The following KCNH8 variants were observed in gnomAD, a reference collection of about 807,000 sequenced individuals.
The protein encoded by KCNH8 is potassium voltage-gated channel subfamily H member 8.
KCNH8 carries 70 observed loss-of-function variants against 103.6 expected under a neutral mutation model. The observed-to-expected ratio is 0.68, with a 90% CI of 0.56 to 0.82. KCNH8 has a LOEUF of 0.82. Among genes scored for constraint, KCNH8 ranks in the 40% least tolerant of loss-of-function variants. The pLI is 0.00. For synonymous variants in KCNH8, 498 were observed against 489.4 expected (o/e 1.02, Z -0.23); for missense variants, 1,217 against 1,329.9 (o/e 0.92, Z 1.32).
intron 1 of KCNH8, among the ~76,000 whole-genome samples, chr3:19,182,118 G>A (rs913599822): frequency 6.6e-6 from 1 of 152,062 alleles, no homozygotes; most frequent in South Asian, 2.1e-4. Context: ...GTAAATAGAG[G>A]CCATATATTC....
At chr3:19,312,081 A>G (rs2065215441) in intron 3 of KCNH8, among the ~76,000 whole-genome samples, 1 of 151,918 alleles carries the variant, frequency 6.6e-6, no homozygotes, top group Non-Finnish European at 1.5e-5. Context: ...ATCCATTTTG[A>G]AAATCTGTGG....
intron 7 of KCNH8, among the ~76,000 whole-genome samples, chr3:19,421,601 C>T (rs1252789653): frequency 6.6e-6 from 1 of 151,822 alleles, no homozygotes; most frequent in Non-Finnish European, 1.5e-5. Context: ...AGATTTAATT[C>T]ACTAATCAGT....
At chr3:19,261,841 T>C (rs909961394) in intron 2 of KCNH8, among the ~76,000 whole-genome samples, 1 of 151,850 alleles carries the variant, frequency 6.6e-6, no homozygotes, top group Non-Finnish European at 1.5e-5. Flanking sequence ...CAGTTTTTTT[T>C]CCCAGTATCA....
chr3:19,463,235 C>T (rs1451035145), intron 11 of KCNH8, among the ~76,000 whole-genome samples: 3 of 152,128 alleles, frequency 2.0e-5, no homozygotes, highest in Non-Finnish European at 1.5e-5. Flanking sequence ...TACTAAGGGA[C>T]CACTGTACCT....
At chr3:19,484,904 A>ATAC (rs2068172793) in intron 11 of KCNH8, among the ~76,000 whole-genome samples, 1 of 152,174 alleles carries the variant, frequency 6.6e-6, no homozygotes, top group Middle Eastern at 3.2e-3. Flanking sequence ...GAGGAGGCCT[A>ATAC]TGATACAGTA....
chr3:19,372,550 T>C (rs899136054), intron 5 of KCNH8, among the ~76,000 whole-genome samples: 1 of 152,208 alleles, frequency 6.6e-6, no homozygotes, highest in Non-Finnish European at 1.5e-5. Flanking sequence ...AATCATGTCG[T>C]CTGCAAACAA....
intron 3 of KCNH8, among the ~76,000 whole-genome samples, chr3:19,291,595 T>C (rs2064926968): frequency 6.6e-6 from 1 of 152,248 alleles, no homozygotes; most frequent in Non-Finnish European, 1.5e-5. Flanking sequence ...TTGATTGCAC[T>C]GTGGTCTGAG....
intron 1 of KCNH8, among the ~76,000 whole-genome samples, chr3:19,200,389 T>C (rs2063645654): frequency 6.6e-6 from 1 of 152,054 alleles, no homozygotes; most frequent in African/African-American, 2.4e-5. Flanking sequence ...GAATAAAGTT[T>C]ATAAAATTTT....
rs1013488272 is a variant in KCNH8, at chr3:19,472,119, C to A, written c.2040+15137C>A. On this transcript the variant is annotated intron_variant, in intron 11 of 15. Transcript: ENST00000328405. ...GTTACTGTATTTTAATTCATTTTTG[C>A]AATTCTTTTTTTAATGGGATTGCTG... Among the ~76,000 whole-genome samples, 4 of 149,736 alleles carry A rather than the reference C, an allele frequency of 2.7e-5. 1 individual carries two copies. The highest frequency in any genetic ancestry group is 2.1e-4 in the South Asian group (1 of 4,718).
chr3:19,213,899 G>A (rs2063793935), intron 1 of KCNH8, among the ~76,000 whole-genome samples: 1 of 152,182 alleles, frequency 6.6e-6, no homozygotes, highest in Admixed American at 6.5e-5. Flanking sequence ...CAGTCCCTCT[G>A]CAAGCCTGCA....
intron 14 of KCNH8, 31 bp from the exon 15 acceptor site, chr3:19,517,967 G>A: frequency 6.4e-7 from 1 of 1,561,606 alleles, no homozygotes; most frequent in Non-Finnish European, 8.8e-7. Flanking sequence ...TATTCCTAAA[G>A]GACTCATTCT....
chr3:19,522,795 T>C (rs1243713826), intron 15 of KCNH8, among the ~76,000 whole-genome samples: 1 of 151,896 alleles, frequency 6.6e-6, no homozygotes, highest in Non-Finnish European at 1.5e-5. Flanking sequence ...TAATAATTCT[T>C]CTTAGGCTCT....
At chr3:19,508,300 CTTAG>C (rs2068730204) in intron 11 of KCNH8, among the ~76,000 whole-genome samples, 1 of 151,988 alleles carries the variant, frequency 6.6e-6, no homozygotes, top group African/African-American at 2.4e-5. Flanking sequence ...ATAAGGTTAC[CTTAG>C]GTAATCAAAG....
intron 3 of KCNH8, among the ~76,000 whole-genome samples, chr3:19,297,304 G>A (rs1477946373): frequency 6.6e-6 from 1 of 152,148 alleles, no homozygotes; most frequent in Admixed American, 6.6e-5. Context: ...TATAATATGA[G>A]CTTAAGGAAG....
intron 3 of KCNH8, among the ~76,000 whole-genome samples, chr3:19,284,659 C>A (rs1306550606): frequency 6.6e-6 from 1 of 151,372 alleles, no homozygotes; most frequent in Non-Finnish European, 1.5e-5. Flanking sequence ...ACTTCTATTC[C>A]AAAAATAGTG....
chr3:19,370,743 A>G lies in KCNH8; in HGVS notation c.812-19738A>G, dbSNP rs202102449. Among the ~76,000 whole-genome samples, 33 of 151,728 alleles carry G rather than the reference A, an allele frequency of 2.2e-4. No homozygotes were observed. The East Asian group carries it at 4.7e-3, about 22-fold the overall frequency. Reference sequence around the variant, plus strand: ...CATCTAGCATTAGGTATATCTCCCAATGCTATCCCTCCCACCTCCCCCCAC... The same window carrying G: ...CATCTAGCATTAGGTATATCTCCCAGTGCTATCCCTCCCACCTCCCCCCAC... On this transcript the variant is annotated intron_variant, in intron 5 of 15. Transcript: ENST00000328405.
intron 8 of KCNH8, among the ~76,000 whole-genome samples, chr3:19,441,852 T>C (rs927873486): frequency 2.0e-5 from 3 of 152,200 alleles, no homozygotes; most frequent in Admixed American, 6.5e-5. Flanking sequence ...TGTGTGGGTC[T>C]TAAGCAATGG....
In KCNH8 at chr3:19,215,661, G is replaced by A. The variant is rs140401797; in HGVS notation, c.77-37993G>A. Among the ~76,000 whole-genome samples the A allele has an allele frequency of 2.9e-3, 436 of 152,316 alleles. 2 individuals are homozygous for A. Among genetic ancestry groups the A allele is most frequent in the African/African-American group, 9.8e-3 (409 of 41,568 alleles). ...TACTCAATGCTACTTACTAGAGTAT[G>A]ACTCCAAATTTCCCATATGACTCCA... On this transcript the variant is annotated intron_variant, in intron 1 of 15. Coordinates refer to ENST00000328405, the MANE Select transcript of KCNH8 (RefSeq NM_144633.3).
chr3:19,430,329 C>T (rs2067101080), intron 7 of KCNH8, among the ~76,000 whole-genome samples: 1 of 151,974 alleles, frequency 6.6e-6, no homozygotes, highest in South Asian at 2.1e-4. Flanking sequence ...TGTCTGTGTG[C>T]CTATTCTTGT....
Sources: allele counts gnomAD v4.1 joint callset (sites outside exome capture counted in the v4.1 genomes callset), GRCh38; gene constraint gnomAD v4.1.1; transcripts MANE v1.5; gene names NCBI Gene and HGNC (gene_info 2026-07-23, HGNC 2026-07-21).